The following PHC3 variants were observed in gnomAD, a reference collection of about 807,000 sequenced individuals.
The protein encoded by PHC3 is polyhomeotic-like protein 3.
A neutral mutation model predicts 107.4 loss-of-function variants in PHC3; 13 were observed. The observed-to-expected ratio is 0.12, with a 90% CI of 0.08 to 0.19. The LOEUF is 0.19. Ranked by LOEUF, PHC3 falls within the 10% of genes least tolerant of loss-of-function variation. The probability of loss-of-function intolerance (pLI) is 1.00; values close to 1 mark genes in which losing one functional copy is unlikely to be tolerated. For missense variants in PHC3, 992 were observed against 1,210.9 expected (o/e 0.82, Z 2.68); for synonymous variants, 456 against 427.4 (o/e 1.07, Z -0.83).
intron 5 of PHC3, chr3:170,148,820 T>C: frequency 7.5e-6 from 2 of 268,292 alleles, no homozygotes; most frequent in East Asian, 1.3e-4. Context: ...ATGAATTTGA[T>C]ATTAAAAAAT....
intron 6 of PHC3, among the ~76,000 whole-genome samples, chr3:170,141,652 C>T (rs1015380431): frequency 1.3e-5 from 2 of 152,086 alleles, no homozygotes; most frequent in Non-Finnish European, 2.9e-5. Flanking sequence ...CACTTTGCTA[C>T]CCAGTCTGGA....
intron 9 of PHC3, among the ~76,000 whole-genome samples, chr3:170,118,933 T>A (rs1289504636): frequency 1.3e-5 from 2 of 150,938 alleles, no homozygotes; most frequent in African/African-American, 4.9e-5. Context: ...TTCACAGCAG[T>A]TATATCCATA....
At chr3:170,115,985 T>G (rs1390342647) in intron 10 of PHC3, among the ~76,000 whole-genome samples, 1 of 152,102 alleles carries the variant, frequency 6.6e-6, no homozygotes, top group Non-Finnish European at 1.5e-5. Context: ...AAAATCCAGA[T>G]GACTCAAAAG....
intron 4 of PHC3, chr3:170,170,292 C>T (rs1189071477): frequency 6.6e-6 from 1 of 151,428 alleles, no homozygotes. Flanking sequence ...TTATTAGGTT[C>T]TCAACTACAG....
intron 10 of PHC3, among the ~76,000 whole-genome samples, chr3:170,116,948 A>G (rs1417176674): frequency 2.0e-5 from 3 of 152,158 alleles, no homozygotes; most frequent in Non-Finnish European, 2.9e-5. Flanking sequence ...AGTTGATTTC[A>G]CTGAATAAAC....
In PHC3 at chr3:170,129,446, C is replaced by T. The variant is rs1439397926; in HGVS notation, c.1026G>A (p.Gln342=). ...VSHHQLILQQ[Q]QQQIQPITLQ... is the part of the protein sequence containing the mutation. ...GTGTGATTGGCTGAATTTGCTGTTG[C>T]TGCTGTTGTAATATCAGCTGATGAT... The change falls in exon 8 of 15, where the codon CAG becomes CAA. Residue 342 remains glutamine (Q), a synonymous_variant. Coordinates refer to ENST00000495893, the MANE Select transcript of PHC3 (RefSeq NM_024947.4). 1 of 1,613,730 alleles carries T rather than the reference C, an allele frequency of 6.2e-7. No individual in the cohort carries two copies. Among genetic ancestry groups the T allele is most frequent in the African/African-American group, 1.3e-5 (1 of 74,866 alleles).
In PHC3 at chr3:170,111,346, G is replaced by A. The variant is rs968244033; in HGVS notation, c.2353+2014C>T. On this transcript the variant is annotated intron_variant, in intron 11 of 14. Coordinates refer to ENST00000495893, the MANE Select transcript of PHC3 (RefSeq NM_024947.4). ...CGAACGAACGAAAGAACAAAAGAAC[G>A]GAAAGGAAAGGGAAGGAAGGAAAAA... is the stretch of plus-strand genomic sequence containing the variant. Among the ~76,000 whole-genome samples, 13 of 142,598 alleles carry A rather than the reference G, an allele frequency of 9.1e-5. No homozygotes were observed. The East Asian group carries it at 1.3e-3, about 14-fold the overall frequency. The allele number at this position is 142,598 out of a possible 152,430, so 93.5% of individuals were successfully genotyped here.
intron 6 of PHC3, among the ~76,000 whole-genome samples, chr3:170,144,433 AC>A (rs1218948149): frequency 6.6e-6 from 1 of 152,082 alleles, no homozygotes; most frequent in Non-Finnish European, 1.5e-5. Context: ...TATTCTGAGT[AC>A]CGCTGCTATA....
At chr3:170,178,140 A>ATTT (rs1205857388) in intron 2 of PHC3, among the ~76,000 whole-genome samples, 8 of 137,578 alleles carry the variant, frequency 5.8e-5, no homozygotes, top group South Asian at 2.3e-4. Flanking sequence ...CTAAAGGAAA[A>ATTT]TTTTTTTTTT....
intron 4 of PHC3, chr3:170,150,018 A>T (rs1381640097): frequency 2.0e-5 from 3 of 152,234 alleles, no homozygotes; most frequent in South Asian, 4.1e-4. Context: ...TGGATATGCC[A>T]GTTACTCTGA....
intron 11 of PHC3, among the ~76,000 whole-genome samples, chr3:170,110,429 T>C (rs1717413226): frequency 6.6e-6 from 1 of 152,212 alleles, no homozygotes; most frequent in Non-Finnish European, 1.5e-5. Context: ...GTTTACTTAG[T>C]GTTCTAATCT....
chr3:170,175,106 T>A (rs1396945509), intron 2 of PHC3, among the ~76,000 whole-genome samples: 5 of 152,184 alleles, frequency 3.3e-5, no homozygotes, highest in Admixed American at 1.3e-4. Flanking sequence ...TATAAATTCT[T>A]ATTCACCCAA....
intron 7 of PHC3, among the ~76,000 whole-genome samples, chr3:170,135,112 G>A (rs191420308): frequency 5.3e-5 from 8 of 152,250 alleles, no homozygotes; most frequent in South Asian, 2.1e-4. Flanking sequence ...ATGCTTACCC[G>A]ATGAGGTTGC....
chr3:170,135,754 A>T (rs1224952766), intron 7 of PHC3, among the ~76,000 whole-genome samples: 1 of 152,168 alleles, frequency 6.6e-6, no homozygotes, highest in African/African-American at 2.4e-5. Context: ...TATCTTATCA[A>T]AAGTAAACAA....
chr3:170,109,061 C>A (rs572188285), intron 11 of PHC3, among the ~76,000 whole-genome samples: 51 of 152,204 alleles, frequency 3.4e-4, no homozygotes, highest in Non-Finnish European at 5.7e-4. Flanking sequence ...AATGTTCAGT[C>A]AGATTTTTAA....
At chr3:170,170,978 A>C (rs1729496587) in intron 4 of PHC3, 1 of 201,414 alleles carries the variant, frequency 5.0e-6, no homozygotes, top group East Asian at 1.1e-4. Flanking sequence ...ATAATTTCTA[A>C]AATGTGAATT....
intron 10 of PHC3, among the ~76,000 whole-genome samples, chr3:170,116,090 T>G (rs969162934): frequency 6.6e-6 from 1 of 152,230 alleles, no homozygotes; most frequent in Non-Finnish European, 1.5e-5. Context: ...ATACAAATTA[T>G]GTACAGCTTA....
At chr3:170,160,850 T>C (rs1328500262) in intron 4 of PHC3, among the ~76,000 whole-genome samples, 2 of 152,180 alleles carry the variant, frequency 1.3e-5, no homozygotes, top group Non-Finnish European at 2.9e-5. Context: ...GAGGTTCTAG[T>C]GAGCCAAGAT....
intron 9 of PHC3, 25 bp downstream of exon 9, chr3:170,122,566 C>T (rs1282161256): frequency 6.2e-7 from 1 of 1,609,536 alleles, no homozygotes; most frequent in African/African-American, 1.3e-5. Context: ...TAGAAAAATT[C>T]CCACAAATTT....
Sources: gnomAD v4.1 joint callset for allele counts (sites outside exome capture counted in the v4.1 genomes callset) on GRCh38, gnomAD v4.1.1 for gene constraint, MANE v1.5 for transcripts, NCBI Gene and HGNC (gene_info 2026-07-23, HGNC 2026-07-21) for gene names.